RASGRF2: variants seen among roughly 807,000 people sequenced by gnomAD.
RASGRF2 encodes ras-specific guanine nucleotide-releasing factor 2.
RASGRF2 carries 76 observed loss-of-function variants against 151.0 expected under a neutral mutation model. That is an observed-to-expected ratio of 0.50 (90% CI 0.42 to 0.61). RASGRF2 has a LOEUF of 0.61. Ranked by LOEUF, RASGRF2 falls within the 20% of genes least tolerant of loss-of-function variation. RASGRF2 has a pLI of 0.00. For synonymous variants in RASGRF2, 504 were observed against 566.5 expected (o/e 0.89, Z 1.57); for missense variants, 1,148 against 1,564.6 (o/e 0.73, Z 4.49).
chr5:81,156,144 A>AG, intron 17 of RASGRF2, among the ~76,000 whole-genome samples: 1 of 152,226 alleles, frequency 6.6e-6, no homozygotes, highest in South Asian at 2.1e-4. Context: ...AAAAGAAGAA[A>AG]AAAAAAATCT....
intron 18 of RASGRF2, among the ~76,000 whole-genome samples, chr5:81,199,455 C>T (rs1487085568): frequency 6.6e-6 from 1 of 152,126 alleles, no homozygotes; most frequent in Non-Finnish European, 1.5e-5. Context: ...TGTTATCTGC[C>T]AGATTCTCCC....
chr5:81,216,512 C>CTAA (rs766230798), intron 24 of RASGRF2, among the ~76,000 whole-genome samples: 5 of 151,578 alleles, frequency 3.3e-5, no homozygotes, highest in Non-Finnish European at 7.4e-5. Flanking sequence ...AAGACTAAGA[C>CTAA]TAATAATAAT....
At chr5:81,078,317 G>A (rs1208962758) in intron 5 of RASGRF2, among the ~76,000 whole-genome samples, 1 of 152,128 alleles carries the variant, frequency 6.6e-6, no homozygotes, top group Non-Finnish European at 1.5e-5. Flanking sequence ...GCCCTATTGT[G>A]CTATCAAATA....
At chr5:81,218,141 C>T (rs887097274) in intron 25 of RASGRF2, among the ~76,000 whole-genome samples, 2 of 152,150 alleles carry the variant, frequency 1.3e-5, no homozygotes, top group African/African-American at 2.4e-5. Context: ...GCCTTGGCCT[C>T]CCAAAGTGCT....
chr5:81,152,222 G>C (rs1754153984), intron 17 of RASGRF2, among the ~76,000 whole-genome samples: 1 of 152,064 alleles, frequency 6.6e-6, no homozygotes, highest in Non-Finnish European at 1.5e-5. Context: ...GGCTGGTCTT[G>C]AACTCCTGAC....
At chr5:81,205,123 A>G (rs1755476251) in intron 19 of RASGRF2, among the ~76,000 whole-genome samples, 1 of 152,216 alleles carries the variant, frequency 6.6e-6, no homozygotes, top group Non-Finnish European at 1.5e-5. Flanking sequence ...CCTCATCTTA[A>G]TCTGCCCTTT....
At chr5:81,121,458 A>T (rs1753305317) in intron 15 of RASGRF2, among the ~76,000 whole-genome samples, 1 of 152,130 alleles carries the variant, frequency 6.6e-6, no homozygotes, top group African/African-American at 2.4e-5. Context: ...ACCTTTGTCC[A>T]TTTTTATTGT....
At chr5:81,215,531 A>G (rs1362883283) in intron 23 of RASGRF2, among the ~76,000 whole-genome samples, 6 of 152,122 alleles carry the variant, frequency 3.9e-5, no homozygotes, top group African/African-American at 1.2e-4. Context: ...TCAGCCTCCC[A>G]AAGTGCTAGG....
chr5:81,193,512 TTTTTTC>T (rs1169507801), intron 18 of RASGRF2, among the ~76,000 whole-genome samples: 1 of 152,090 alleles, frequency 6.6e-6, no homozygotes, highest in Admixed American at 6.6e-5. Flanking sequence ...GCTTTTTTCT[TTTTTTC>T]TTTTTCTTTT....
chr5:81,149,165 GAC>G (rs1319427905), intron 17 of RASGRF2, among the ~76,000 whole-genome samples: 1 of 152,198 alleles, frequency 6.6e-6, no homozygotes, highest in Non-Finnish European at 1.5e-5. Context: ...ATATGACAAA[GAC>G]ACACGATCAT....
At chr5:80,999,595 G>A (rs1408822278) in intron 1 of RASGRF2, among the ~76,000 whole-genome samples, 1 of 152,102 alleles carries the variant, frequency 6.6e-6, no homozygotes. Flanking sequence ...CTGGGCTCGA[G>A]CAATCCTCCT....
intron 22 of RASGRF2, among the ~76,000 whole-genome samples, chr5:81,209,267 G>T (rs577458320): frequency 2.6e-5 from 4 of 152,088 alleles, no homozygotes; most frequent in Non-Finnish European, 5.9e-5. Context: ...CCAGCGGTAA[G>T]ATTGGGAGAT....
chr5:81,229,186 TGA>T lies in RASGRF2; in HGVS notation c.*3417_*3418del, dbSNP rs1756060245. On this transcript the variant is annotated 3_prime_UTR_variant, in exon 27 of 27. Transcript: ENST00000265080. ...TTTTCAAAGTTTGATTTTATCCCCT[TGA>T]AAAAAAATCTCTTCACTTTAAAGTA... 6.6e-6 allele frequency: 1 copy of T among 151,508 alleles called. No individual in the cohort carries two copies. The highest frequency in any genetic ancestry group is 2.4e-5 in the African/African-American group (1 of 41,330). The allele number at this position is 151,508 out of a possible 1,614,324, so 9.4% of individuals were successfully genotyped here.
At chr5:81,201,739 T>G (rs932137930) in intron 19 of RASGRF2, among the ~76,000 whole-genome samples, 1 of 152,182 alleles carries the variant, frequency 6.6e-6, no homozygotes, top group African/African-American at 2.4e-5. Context: ...GAGCCTCTCC[T>G]GCAAGTCCGG....
rs925062727 is a variant in RASGRF2, at chr5:81,153,240, C to T, written c.2686+26077C>T. 2.0e-5 allele frequency among the ~76,000 whole-genome samples: 3 copies of T among 152,104 alleles called. No homozygotes were observed. In the East Asian group the frequency reaches 5.8e-4, roughly 29 times the overall value. On this transcript the variant is annotated intron_variant, in intron 17 of 26. Coordinates refer to ENST00000265080, the MANE Select transcript of RASGRF2 (RefSeq NM_006909.3). ...TCCGTGTGTATGTTACCTTACATGG[C>T]AAAGGAAATTAAGGTTGCAGTTGAA... is the stretch of plus-strand genomic sequence containing the variant.
intron 18 of RASGRF2, among the ~76,000 whole-genome samples, chr5:81,198,462 C>T (rs542899423): frequency 1.6e-4 from 24 of 150,012 alleles, no homozygotes; most frequent in African/African-American, 4.7e-4. Flanking sequence ...TTTTTTGAGA[C>T]GGAGTCTCGC....
At chr5:80,971,742 T>G (rs1162201267) in intron 1 of RASGRF2, among the ~76,000 whole-genome samples, 1 of 151,992 alleles carries the variant, frequency 6.6e-6, no homozygotes, top group South Asian at 2.1e-4. Flanking sequence ...ATTTTTTTTT[T>G]GTATTTTTTT....
At chr5:81,015,566 G>A (rs183740763) in intron 1 of RASGRF2, among the ~76,000 whole-genome samples, 74 of 151,776 alleles carry the variant, frequency 4.9e-4, no homozygotes, top group African/African-American at 1.7e-3. Flanking sequence ...TTATTTGTGG[G>A]CATGTGAATA....
intron 18 of RASGRF2, among the ~76,000 whole-genome samples, chr5:81,193,053 C>T (rs1755184372): frequency 6.6e-6 from 1 of 152,268 alleles, no homozygotes; most frequent in East Asian, 1.9e-4. Flanking sequence ...AGTATTTTCA[C>T]TTTCCTTTTA....
Sources: gnomAD v4.1 joint callset for allele counts (sites outside exome capture counted in the v4.1 genomes callset) on GRCh38, gnomAD v4.1.1 for gene constraint, MANE v1.5 for transcripts, NCBI Gene and HGNC (gene_info 2026-07-23, HGNC 2026-07-21) for gene names.